TSG101: variants seen among roughly 807,000 people sequenced by gnomAD.
The protein encoded by TSG101 is tumor susceptibility 101.
TSG101 carries 19 observed loss-of-function variants against 48.5 expected under a neutral mutation model. That is an observed-to-expected ratio of 0.39 (90% CI 0.27 to 0.58). The LOEUF (loss-of-function observed/expected upper bound fraction) is 0.58. TSG101 is among the 20% of genes least tolerant of loss of function. The pLI, the probability that TSG101 is intolerant of heterozygous loss-of-function variation, is 0.55. For synonymous variants in TSG101, 174 were observed against 169.4 expected (o/e 1.03, Z -0.21); for missense variants, 365 against 484.4 (o/e 0.75, Z 2.31).
chr11:18,506,823 T>C (rs1020537205), intron 6 of TSG101, 34 bp downstream of exon 6: 1 of 1,500,482 alleles, frequency 6.7e-7, no homozygotes, highest in African/African-American at 1.4e-5. Context: ...GAAGAATTTG[T>C]AATACAATTA....
intron 7 of TSG101, among the ~76,000 whole-genome samples, chr11:18,500,352 A>T (rs1201576625): frequency 1.3e-5 from 2 of 152,154 alleles, no homozygotes; most frequent in Admixed American, 6.5e-5. Flanking sequence ...CAGCAGTGGG[A>T]TTGCTGAACT....
chr11:18,511,989 C>T (rs765507693), intron 4 of TSG101, among the ~76,000 whole-genome samples: 2 of 152,138 alleles, frequency 1.3e-5, no homozygotes, highest in African/African-American at 2.4e-5. Flanking sequence ...TACATTCTTA[C>T]AGTTTTGTCA....
chr11:18,493,983 T>A (rs1849737116), intron 7 of TSG101, among the ~76,000 whole-genome samples: 1 of 152,190 alleles, frequency 6.6e-6, no homozygotes, highest in African/African-American at 2.4e-5. Context: ...GCGCTTTACT[T>A]GAGCTCTAGA....
chr11:18,480,486 G>T lies in TSG101; in HGVS notation c.*60C>A. The T allele has an allele frequency of 7.3e-7, 1 of 1,370,152 alleles. No homozygotes were observed. The highest frequency in any genetic ancestry group is 1.0e-6 in the Non-Finnish European group (1 of 976,710). 84.9% of individuals were successfully genotyped at this position (1,370,152 alleles called of 1,614,324 possible). On this transcript the variant is annotated 3_prime_UTR_variant, in exon 10 of 10. Transcript: ENST00000251968. ...CAATAACTTATTCTGGGCACCTACTGATAAAAGGAAGAGAAGAATACTTTA... is the reference window on the plus strand; with the variant it reads ...CAATAACTTATTCTGGGCACCTACTTATAAAAGGAAGAGAAGAATACTTTA...
intron 4 of TSG101, among the ~76,000 whole-genome samples, chr11:18,510,801 G>C (rs1263564628): frequency 1.3e-5 from 2 of 152,024 alleles, no homozygotes. Flanking sequence ...ATGCGCCTGT[G>C]GTCACAACTA....
At chr11:18,507,542 T>C (rs571198507) in intron 5 of TSG101, 5 of 152,310 alleles carry the variant, frequency 3.3e-5, no homozygotes, top group East Asian at 1.9e-4. Flanking sequence ...GAATACTTTA[T>C]ACATTCTTTA....
chr11:18,501,922 A>G (rs566235808), intron 7 of TSG101, among the ~76,000 whole-genome samples: 18 of 152,218 alleles, frequency 1.2e-4, no homozygotes, highest in Non-Finnish European at 4.4e-5. Context: ...TTTAGATAGA[A>G]GCAAAGATAA....
At position 18,481,689 on chromosome 11, in the gene TSG101, T is replaced by C; in HGVS notation, c.1024A>G (p.Ile342Val). 1 of 1,614,176 alleles carries C rather than the reference T, an allele frequency of 6.2e-7. No individual in the cohort carries two copies. The highest frequency in any genetic ancestry group is 8.5e-7 in the Non-Finnish European group (1 of 1,180,024). ...CTCAAGGCTTCTCCCAAGTAAAAGA[T>C]AGTGTCTTCAATAGCGTTTTCTTCT... The part of the protein sequence containing the change: ...YAEENAIEDT[I>V]FYLGEALRRG... The change falls in exon 9 of 10, where the codon ATC (isoleucine) becomes GTC (valine). Residue 342 changes from isoleucine to valine, a missense_variant. By Grantham distance (29) the Ile-to-Val change is conservative. Coordinates refer to ENST00000251968, the MANE Select transcript of TSG101 (RefSeq NM_006292.4).
chr11:18,518,098 A>T (rs151128443), intron 2 of TSG101, among the ~76,000 whole-genome samples: 1 of 152,298 alleles, frequency 6.6e-6, no homozygotes, highest in African/African-American at 2.4e-5. Flanking sequence ...TCCCCACTGA[A>T]GCCATTTAAA....
At chr11:18,504,396 TCTTA>T (rs1366491964) in intron 6 of TSG101, among the ~76,000 whole-genome samples, 2 of 152,014 alleles carry the variant, frequency 1.3e-5, no homozygotes, top group African/African-American at 4.8e-5. Flanking sequence ...ATGGTACTTC[TCTTA>T]TATATCAGTA....
intron 7 of TSG101, among the ~76,000 whole-genome samples, chr11:18,496,442 A>AAAAATAAAATAAAATAAAATAAAAT (rs201480350): frequency 2.7e-5 from 3 of 110,160 alleles, no homozygotes; most frequent in Non-Finnish European, 3.7e-5. Flanking sequence ...ACTCTGTCTC[A>AAAAATAAAATAAAATAAAATAAAAT]AAAATAAAAT....
At chr11:18,489,691 G>C (rs997544743) in intron 7 of TSG101, among the ~76,000 whole-genome samples, 3 of 152,202 alleles carry the variant, frequency 2.0e-5, no homozygotes, top group African/African-American at 7.2e-5. Context: ...CTGTGGTCAT[G>C]AACTTTTGAG....
At chr11:18,518,253 T>C (rs1331408889) in intron 2 of TSG101, among the ~76,000 whole-genome samples, 5 of 152,212 alleles carry the variant, frequency 3.3e-5, no homozygotes, top group Admixed American at 3.3e-4. Context: ...ATGTCTTTAT[T>C]GTTCAGGAAA....
At position 18,480,443 on chromosome 11, in the gene TSG101, C is replaced by T; in HGVS notation, c.*103G>A. The T allele has an allele frequency of 2.4e-6, 2 of 827,276 alleles. No individual in the cohort carries two copies. Among genetic ancestry groups the T allele is most frequent in the Non-Finnish European group, 1.9e-6 (1 of 537,290 alleles). 51.2% of individuals were successfully genotyped at this position (827,276 alleles called of 1,614,324 possible). On this transcript the variant is annotated 3_prime_UTR_variant, in exon 10 of 10. Coordinates refer to ENST00000251968, the MANE Select transcript of TSG101 (RefSeq NM_006292.4). ...TATATTATTGATTCAAAATATTTTA[C>T]ACTTGAATGATAAACTGCAATAACT...
intron 7 of TSG101, among the ~76,000 whole-genome samples, chr11:18,501,936 A>G (rs940229815): frequency 9.2e-5 from 14 of 152,316 alleles, no homozygotes; most frequent in Non-Finnish European, 2.1e-4. Flanking sequence ...AAGATAACCA[A>G]CTTATGGTAA....
intron 7 of TSG101, among the ~76,000 whole-genome samples, chr11:18,485,269 C>A (rs1371770636): frequency 6.6e-6 from 1 of 152,190 alleles, no homozygotes; most frequent in Admixed American, 6.5e-5. Context: ...GAAACCTAAT[C>A]TTTGCCAATG....
chr11:18,509,417 C>T, intron 5 of TSG101, 125 bp downstream of exon 5: 2 of 1,335,458 alleles, frequency 1.5e-6, no homozygotes, highest in South Asian at 3.5e-5. Flanking sequence ...AGAATACTTC[C>T]AAAAAATCCA....
Position 18,502,504 on chromosome 11 carries a change from G to A in TSG101, c.622C>T (p.Pro208Ser). 6.2e-7 allele frequency: 1 copy of A among 1,613,260 alleles called. No homozygotes were observed. The highest frequency in any genetic ancestry group is 8.5e-7 in the Non-Finnish European group (1 of 1,179,592). Reference sequence around the variant, plus strand: ...TACTTACCAACAGTGGTCACAGGAGGCTGAGAAGGGTACTGAGAACTTGTT... The same window carrying A: ...TACTTACCAACAGTGGTCACAGGAGACTGAGAAGGGTACTGAGAACTTGTT... ...ATTSSQYPSQ[P>S]PVTTVGPSRD... The change falls in exon 7 of 10, where the codon CCT becomes TCT. Residue 208 changes from proline to serine, a missense_variant. Physicochemically the swap from Pro to Ser is moderately conservative, Grantham distance 74. Transcript: ENST00000251968.
intron 7 of TSG101, among the ~76,000 whole-genome samples, chr11:18,495,989 G>T (rs189641224): frequency 7.4e-6 from 1 of 134,822 alleles, no homozygotes; most frequent in Non-Finnish European, 1.6e-5. Context: ...AAGCACAGCT[G>T]ACAGTACATC....
Sources: allele counts gnomAD v4.1 joint callset (sites outside exome capture counted in the v4.1 genomes callset), GRCh38; gene constraint gnomAD v4.1.1; transcripts MANE v1.5; gene names NCBI Gene and HGNC (gene_info 2026-07-23, HGNC 2026-07-21).